The following NSD2 variants were observed in gnomAD, a reference collection of about 807,000 sequenced individuals.
NSD2 encodes the protein histone-lysine N-methyltransferase NSD2.
NSD2 carries 12 observed loss-of-function variants against 139.0 expected under a neutral mutation model. That is an observed-to-expected ratio of 0.09 (90% CI 0.06 to 0.14). The LOEUF is 0.14. NSD2 is among the 10% of genes least tolerant of loss of function. NSD2 has a pLI of 1.00. For missense variants in NSD2, 1,155 were observed against 1,745.0 expected, an observed-to-expected ratio of 0.66 and a Z score of 6.02; for synonymous variants, 669 against 648.7, an observed-to-expected ratio of 1.03 and a Z score of -0.48.
intron 1 of NSD2, among the ~76,000 whole-genome samples, chr4:1,883,695 A>T (rs1380993649): frequency 1.3e-5 from 2 of 150,676 alleles, no homozygotes; most frequent in African/African-American, 4.9e-5. Flanking sequence ...TGTTGTCCCC[A>T]TCTGCTCTCC....
chr4:1,956,146 C>T lies in NSD2; in HGVS notation c.2839C>T (p.Arg947Cys), dbSNP rs943974282. The T allele has an allele frequency of 5.0e-6, 8 of 1,613,826 alleles. No homozygotes were observed. Among genetic ancestry groups the T allele is most frequent in the African/African-American group, 2.7e-5 (2 of 75,030 alleles). Residue 947 changes from arginine to cysteine, a missense_variant, in exon 15 of 22, where the codon CGC (arginine) becomes TGC (cysteine). By Grantham distance (180) the Arg-to-Cys change is radical (BLOSUM62 -3). Coordinates refer to ENST00000508803, the MANE Select transcript of NSD2 (RefSeq NM_001042424.3). The surrounding 1 kb of genome is among the most constrained non-coding windows in gnomAD (Gnocchi z 5.3). ...GTACATGGAGGGGGACCGGGGCAGC[C>T]GCTACCAGGGGGTCAGAGGGATCGG... Reference protein sequence around the residue: ...FPYMEGDRGSRYQGVRGIGRV... With the variant: ...FPYMEGDRGSCYQGVRGIGRV...
chr4:1,874,738 G>C (rs1332506372), intron 1 of NSD2, among the ~76,000 whole-genome samples: 1 of 152,002 alleles, frequency 6.6e-6, no homozygotes, highest in South Asian at 2.1e-4. Flanking sequence ...AATCTACCTC[G>C]TCAATTTCTC....
intron 3 of NSD2, among the ~76,000 whole-genome samples, chr4:1,906,996 C>G (rs1291430366): frequency 6.6e-6 from 1 of 152,052 alleles, no homozygotes; most frequent in Non-Finnish European, 1.5e-5. Context: ...CGGGACCTTG[C>G]ACTGTGGCTA....
chr4:1,977,642 G>A (rs1727236230), intron 21 of NSD2, among the ~76,000 whole-genome samples: 1 of 151,948 alleles, frequency 6.6e-6, no homozygotes, highest in Non-Finnish European at 1.5e-5. Flanking sequence ...CTGGTGTGGT[G>A]GCATGCACCT....
At chr4:1,896,437 C>T (rs1211636198) in intron 1 of NSD2, among the ~76,000 whole-genome samples, 1 of 152,246 alleles carries the variant, frequency 6.6e-6, no homozygotes, top group Non-Finnish European at 1.5e-5. Context: ...AGTGTGGTCA[C>T]AGCTCACTGC....
At chr4:1,911,470 C>T (rs963149574) in intron 3 of NSD2, among the ~76,000 whole-genome samples, 3 of 151,712 alleles carry the variant, frequency 2.0e-5, no homozygotes, top group East Asian at 1.9e-4. Context: ...CGCCTGTAAT[C>T]CCAGCTCCTG....
At chr4:1,970,161 G>T (rs755600481) in intron 18 of NSD2, among the ~76,000 whole-genome samples, 27 of 152,194 alleles carry the variant, frequency 1.8e-4, no homozygotes, top group Non-Finnish European at 3.5e-4. Context: ...GAGTCACATT[G>T]GGCGACGTCG....
chr4:1,887,016 T>G (rs940477481), intron 1 of NSD2, among the ~76,000 whole-genome samples: 1 of 152,202 alleles, frequency 6.6e-6, no homozygotes, highest in Non-Finnish European at 1.5e-5. Flanking sequence ...TGATGATCTA[T>G]TCCAGAACTT....
chr4:1,876,811 T>C (rs1321128812), intron 1 of NSD2, among the ~76,000 whole-genome samples: 1 of 152,142 alleles, frequency 6.6e-6, no homozygotes, highest in Non-Finnish European at 1.5e-5. Context: ...GAGTTGGCAC[T>C]GAGAGAGTTG....
chr4:1,962,198 C>G (rs1725438176), intron 18 of NSD2, among the ~76,000 whole-genome samples: 2 of 152,192 alleles, frequency 1.3e-5, no homozygotes, highest in Non-Finnish European at 2.9e-5. Context: ...CGGGGGAGCA[C>G]TGGGCTCTGT....
At chr4:1,914,562 G>A (rs1448193572) in intron 3 of NSD2, among the ~76,000 whole-genome samples, 1 of 152,128 alleles carries the variant, frequency 6.6e-6, no homozygotes, top group Non-Finnish European at 1.5e-5. Context: ...TTGATCTGAG[G>A]TGATCTGCCC....
chr4:1,949,893 A>AATC (rs1162479524), intron 9 of NSD2, among the ~76,000 whole-genome samples: 1 of 152,188 alleles, frequency 6.6e-6, no homozygotes. Flanking sequence ...GCTCACTGAT[A>AATC]AGGTCACAGG....
intron 1 of NSD2, among the ~76,000 whole-genome samples, chr4:1,897,324 AG>A (rs1279477499): frequency 6.6e-6 from 1 of 152,136 alleles, no homozygotes; most frequent in Admixed American, 6.5e-5. Flanking sequence ...CTACAAAAAA[AG>A]GGTTAAAAAG....
chr4:1,978,381 C>T (rs113238906), intron 21 of NSD2, among the ~76,000 whole-genome samples: 306 of 152,298 alleles, frequency 2.0e-3, no homozygotes, highest in African/African-American at 7.1e-3. Flanking sequence ...CCCGGCACAG[C>T]TCCTCTCAGT....
chr4:1,875,520 TCCTC>T (rs1433753604), intron 1 of NSD2, among the ~76,000 whole-genome samples: 1 of 152,106 alleles, frequency 6.6e-6, no homozygotes, highest in African/African-American at 2.4e-5. Context: ...GCTCAGGTGA[TCCTC>T]CCACTTCGGC....
chr4:1,941,867 TCCAATGCTGAATGCCTGTTAGCATATG>T, intron 9 of NSD2: 1 of 1,060,760 alleles, frequency 9.4e-7, no homozygotes, highest in Non-Finnish European at 1.1e-6. Context: ...TTGTGATGTT[TCCAATGCTGAATGCCTGTTAGCATATG>T]AGGCAAAGTG....
intron 5 of NSD2, among the ~76,000 whole-genome samples, chr4:1,925,589 G>A (rs1050978577): frequency 4.0e-5 from 6 of 150,488 alleles, no homozygotes; most frequent in African/African-American, 1.2e-4. Flanking sequence ...AGTAGAGATG[G>A]GGTTTCATTA....
rs558999958 is a variant in NSD2, at chr4:1,944,361, G to C, written c.1881+4583G>C. The C allele has an allele frequency of 3.8e-5, 40 of 1,065,936 alleles. No individual in the cohort carries two copies. The African/African-American group carries it at 6.4e-4, about 17-fold the overall frequency. The allele number at this position is 1,065,936 out of a possible 1,614,324, so 66.0% of individuals were successfully genotyped here. A position where few individuals can be genotyped will look rare whatever the true frequency, so the allele number is the denominator to read the frequency against. On this transcript the variant is annotated intron_variant, in intron 9 of 21. Transcript: ENST00000508803. Reference sequence around the variant, plus strand: ...AAATTCATTATGCTGCTAATTTAACGTGGAATTCCTTCATTTCATAAGAAC... The same window carrying C: ...AAATTCATTATGCTGCTAATTTAACCTGGAATTCCTTCATTTCATAAGAAC...
chr4:1,941,951 A>G lies in NSD2; in HGVS notation c.1881+2173A>G, dbSNP rs187149066. 7.7e-4 allele frequency: 834 copies of G among 1,078,782 alleles called. No homozygotes were observed. In the African/African-American group the frequency reaches 0.012, roughly 15 times the overall value. 66.8% of individuals were successfully genotyped at this position (1,078,782 alleles called of 1,614,324 possible). On this transcript the variant is annotated intron_variant, in intron 9 of 21. Coordinates refer to ENST00000508803, the MANE Select transcript of NSD2 (RefSeq NM_001042424.3). ...GTTGACTGCTGGGCCCGATTCTGAT[A>G]TGAGTTAGGTGACCATGAGAATTGC... is the stretch of plus-strand genomic sequence containing the variant.
Sources: allele counts gnomAD v4.1 joint callset (sites outside exome capture counted in the v4.1 genomes callset), GRCh38; gene constraint gnomAD v4.1.1; non-coding constraint Gnocchi (gnomAD v3.1); transcripts MANE v1.5; gene names NCBI Gene and HGNC (gene_info 2026-07-23, HGNC 2026-07-21).